Variants in VPS13A observed in about 807,000 individuals in gnomAD.
VPS13A encodes vacuolar protein sorting 13 homolog A.
In VPS13A, 264 loss-of-function variants were observed where a neutral mutation model predicts 390.9. That is an observed-to-expected ratio of 0.68 (90% CI 0.61 to 0.75). The LOEUF (loss-of-function observed/expected upper bound fraction) is 0.75, where lower values mean the gene tolerates loss of function less well. Among genes scored for constraint, VPS13A ranks in the 30% least tolerant of loss-of-function variants. The probability of loss-of-function intolerance (pLI) is 0.00; values close to 1 mark genes in which losing one functional copy is unlikely to be tolerated. For missense variants in VPS13A, 3,409 were observed against 3,733.9 expected, an observed-to-expected ratio of 0.91 and a Z score of 2.27; for synonymous variants, 1,231 against 1,227.1, an observed-to-expected ratio of 1.00 and a Z score of -0.07.
chr9:77,355,232 A>G (rs1831704930), intron 54 of VPS13A, among the ~76,000 whole-genome samples: 1 of 152,238 alleles, frequency 6.6e-6, no homozygotes, highest in African/African-American at 2.4e-5. Context: ...TCAACACACC[A>G]TGAAACTGGT....
At chr9:77,291,305 A>AC (rs1251283780) in intron 31 of VPS13A, among the ~76,000 whole-genome samples, 2 of 151,538 alleles carry the variant, frequency 1.3e-5, no homozygotes, top group Non-Finnish European at 2.9e-5. Flanking sequence ...CCACCCTCCA[A>AC]CCCCCCAGCC....
chr9:77,399,181 T>TAAAA (rs1223344360), intron 68 of VPS13A, among the ~76,000 whole-genome samples: 52 of 34,874 alleles, frequency 1.5e-3, no homozygotes, highest in Admixed American at 1.7e-3. Context: ...AAAAAAAAAA[T>TAAAA]AAAAAAAAAA....
In VPS13A at chr9:77,353,503, C is replaced by CA; in HGVS notation, c.7516dup (p.Arg2506LysfsTer4). On this transcript the variant is annotated frameshift_variant, in exon 54 of 72. Coordinates refer to ENST00000360280, the MANE Select transcript of VPS13A (RefSeq NM_033305.3). LOFTEE classifies it high-confidence loss of function. ...CGCATTATTTTATTCACTGAAGATC[C>CA]AAGGGTATTTAAAGTAACATATGAA... 6.2e-7 allele frequency: 1 copy of CA among 1,612,838 alleles called. No individual in the cohort carries two copies. Among genetic ancestry groups the CA allele is most frequent in the Non-Finnish European group, 8.5e-7 (1 of 1,179,496 alleles).
At chr9:77,232,090 C>A (rs955487195) in intron 17 of VPS13A, among the ~76,000 whole-genome samples, 2 of 152,108 alleles carry the variant, frequency 1.3e-5, no homozygotes, top group Admixed American at 6.6e-5. Context: ...TTTGGACTCT[C>A]AATTCTATCT....
chr9:77,399,749 T>C (rs999654029), intron 68 of VPS13A, among the ~76,000 whole-genome samples: 2 of 152,196 alleles, frequency 1.3e-5, no homozygotes, highest in Non-Finnish European at 2.9e-5. Context: ...GCCTCCACCA[T>C]TATGCTTCAG....
intron 50 of VPS13A, among the ~76,000 whole-genome samples, chr9:77,343,066 T>C (rs944368071): frequency 6.6e-6 from 1 of 152,192 alleles, no homozygotes; most frequent in African/African-American, 2.4e-5. Context: ...TGATCATCTG[T>C]GTTCCAGTTC....
chr9:77,318,539 A>T lies in VPS13A; in HGVS notation c.5261A>T (p.Glu1754Val). ...MLLAKSRFSG[E>V]GKNWSSLINL... Reference sequence around the variant, plus strand: ...CTGGCAAAGTCACGTTTTTCAGGGGAAGGCAAAAACTGGAGTTCCCTAATA... The same window carrying T: ...CTGGCAAAGTCACGTTTTTCAGGGGTAGGCAAAAACTGGAGTTCCCTAATA... The change falls in exon 41 of 72, where the codon GAA becomes GTA. Residue 1754 changes from glutamate (E) to valine (V), a missense_variant. Around this residue, in one of 5 missense-constraint regions of VPS13A, gnomAD observed 2,717 missense variants for 2,917.4 expected, o/e 0.93. Transcript: ENST00000360280. 6.2e-7 allele frequency: 1 copy of T among 1,613,882 alleles called. No homozygotes were observed. The highest frequency in any genetic ancestry group is 2.2e-5 in the East Asian group (1 of 44,852).
chr9:77,213,414 T>C, intron 9 of VPS13A, 100 bp downstream of exon 9: 1 of 984,722 alleles, frequency 1.0e-6, no homozygotes, highest in South Asian at 1.4e-5. Context: ...TATTTTTTCC[T>C]AGGCACAATC....
Position 77,243,152 on chromosome 9 carries a change from T to G in VPS13A, c.1901-4107T>G, listed in dbSNP as rs547737133. Reference sequence around the variant, plus strand: ...TTCTTCCTTTTATTTTGTTACATTCTCCTCTATTAACATCCTGGTTTCTTT... The same window carrying G: ...TTCTTCCTTTTATTTTGTTACATTCGCCTCTATTAACATCCTGGTTTCTTT... On this transcript the variant is annotated intron_variant, in intron 19 of 71. Transcript: ENST00000360280. Among the ~76,000 whole-genome samples the G allele has an allele frequency of 3.3e-4, 50 of 152,272 alleles. 1 individual carries two copies. Among genetic ancestry groups the G allele is most frequent in the African/African-American group, 1.1e-3 (47 of 41,562 alleles).
chr9:77,323,373 C>A, intron 45 of VPS13A, 146 bp downstream of exon 45: 1 of 938,174 alleles, frequency 1.1e-6, no homozygotes, highest in Non-Finnish European at 1.7e-6. Flanking sequence ...TCACTACCAC[C>A]AGTTGCGCTA....
chr9:77,318,334 T>C lies in VPS13A; in HGVS notation c.5056T>C (p.Leu1686=). 1 of 1,613,144 alleles carries C rather than the reference T, an allele frequency of 6.2e-7. No individual in the cohort carries two copies. Among genetic ancestry groups the C allele is most frequent in the African/African-American group, 1.3e-5 (1 of 74,846 alleles). ...PEETASSTAH[L]WEKKDTKTLK... Reference sequence around the variant, plus strand: ...AGAAACGGCTTCTTCTACTGCACATTTATGGGAAAAGAAGGATACAAAGAC... The same window carrying C: ...AGAAACGGCTTCTTCTACTGCACATCTATGGGAAAAGAAGGATACAAAGAC... The change falls in exon 41 of 72, where the codon TTA becomes CTA. Residue 1686 remains leucine (L), a synonymous_variant. Transcript: ENST00000360280.
At chr9:77,285,785 G>A (rs1189374109) in intron 31 of VPS13A, among the ~76,000 whole-genome samples, 1 of 142,526 alleles carries the variant, frequency 7.0e-6, no homozygotes. Context: ...TTTCCATATG[G>A]CATTCAGTAT....
intron 1 of VPS13A, among the ~76,000 whole-genome samples, chr9:77,185,070 C>T (rs1483517424): frequency 3.3e-5 from 5 of 151,992 alleles, no homozygotes; most frequent in East Asian, 1.9e-4. Context: ...TCACAGCCTG[C>T]GACTTGTGAC....
In VPS13A at chr9:77,237,696, C is replaced by G. The variant is rs548777007; in HGVS notation, c.1596-306C>G. Reference sequence around the variant, plus strand: ...GTTTATTTTTATTTTTAGAAGAAAACATGTTTATAGACTTGTGTTAAATAT... The same window carrying G: ...GTTTATTTTTATTTTTAGAAGAAAAGATGTTTATAGACTTGTGTTAAATAT... On this transcript the variant is annotated intron_variant, in intron 17 of 71. Transcript: ENST00000360280. Among the ~76,000 whole-genome samples the G allele has an allele frequency of 1.5e-3, 232 of 152,240 alleles. 1 individual carries two copies. Among genetic ancestry groups the G allele is most frequent in the African/African-American group, 5.4e-3 (223 of 41,560 alleles).
intron 23 of VPS13A, among the ~76,000 whole-genome samples, chr9:77,271,516 A>C (rs886889853): frequency 1.3e-5 from 2 of 152,196 alleles, no homozygotes; most frequent in African/African-American, 4.8e-5. Context: ...TAGAATACTC[A>C]CAGTAGGGTT....
intron 68 of VPS13A, chr9:77,395,667 G>A (rs991120675): frequency 1.3e-5 from 2 of 152,008 alleles, no homozygotes; most frequent in South Asian, 2.1e-4. Context: ...GTAATTATTA[G>A]CATGGTGCCT....
Position 77,228,061 on chromosome 9 carries a change from A to G in VPS13A, c.1453-61A>G, listed in dbSNP as rs576556813. 6.4e-6 allele frequency: 8 copies of G among 1,242,802 alleles called. No homozygotes were observed. In the East Asian group the frequency reaches 2.1e-4, roughly 33 times the overall value. 77.0% of individuals were successfully genotyped at this position (1,242,802 alleles called of 1,614,324 possible). On this transcript the variant is annotated intron_variant, in intron 16 of 71. Coordinates refer to ENST00000360280, the MANE Select transcript of VPS13A (RefSeq NM_033305.3). ...TTTTTGAAATGAATGTACTATAAGA[A>G]TATTTGTTATGCTTATATATATATA...
At chr9:77,397,236 G>A (rs1203730148) in intron 68 of VPS13A, among the ~76,000 whole-genome samples, 7 of 152,062 alleles carry the variant, frequency 4.6e-5, no homozygotes, top group African/African-American at 9.7e-5. Context: ...GGATCCGCCC[G>A]CCTCGGCCTC....
chr9:77,264,207 A>G (rs980312746), intron 23 of VPS13A, among the ~76,000 whole-genome samples: 1 of 152,092 alleles, frequency 6.6e-6, no homozygotes, highest in African/African-American at 2.4e-5. Context: ...GGCTTGTAGT[A>G]TAGTTTGAAG....
Sources: gnomAD v4.1 joint callset for allele counts (sites outside exome capture counted in the v4.1 genomes callset) on GRCh38, gnomAD v4.1.1 for gene constraint, gnomAD v4.1.1 regional missense constraint, MANE v1.5 for transcripts, NCBI Gene and HGNC (gene_info 2026-07-23, HGNC 2026-07-21) for gene names.